VPS13D: variants seen among roughly 807,000 people sequenced by gnomAD.
The protein encoded by VPS13D is vacuolar protein sorting 13 homolog D.
Under a neutral mutation model 461.9 loss-of-function variants are expected in VPS13D, and 187 were observed. That is an observed-to-expected ratio of 0.40 (90% CI 0.36 to 0.46). The LOEUF (loss-of-function observed/expected upper bound fraction) is 0.46. Among genes scored for constraint, VPS13D ranks in the 20% least tolerant of loss-of-function variants. The pLI is 0.60. For synonymous variants in VPS13D, 1,951 were observed against 1,986.3 expected (o/e 0.98, Z 0.47); for missense variants, 4,711 against 5,364.9 (o/e 0.88, Z 3.81).
rs374828029 is a variant in VPS13D, at chr1:12,413,655, A to G, written c.12031-1432A>G. ...CCCAGTTAATTTTTAAACTTTTTGTAGAGACAAGGTCTTACTTCTTCACCC... is the reference window on the plus strand; with the variant it reads ...CCCAGTTAATTTTTAAACTTTTTGTGGAGACAAGGTCTTACTTCTTCACCC... On this transcript the variant is annotated intron_variant, in intron 63 of 69. Transcript: ENST00000620676. Among the ~76,000 whole-genome samples, 40 of 152,230 alleles carry G rather than the reference A, an allele frequency of 2.6e-4. 3 individuals carry two copies. The highest frequency in any genetic ancestry group is 2.1e-3 in the Admixed American group (32 of 15,292).
chr1:12,359,894 G>GC (rs1643925077), intron 50 of VPS13D, among the ~76,000 whole-genome samples: 1 of 152,186 alleles, frequency 6.6e-6, no homozygotes, highest in African/African-American at 2.4e-5. Flanking sequence ...GCTGCTTTAT[G>GC]CTGAGTTTGG....
At chr1:12,248,633 C>G (rs749035732) in intron 5 of VPS13D, among the ~76,000 whole-genome samples, 3 of 152,238 alleles carry the variant, frequency 2.0e-5, no homozygotes, top group Admixed American at 1.3e-4. Flanking sequence ...GCATGAATCA[C>G]TGTGCTCAAC....
chr1:12,471,016 T>C (rs1267218400), intron 67 of VPS13D, among the ~76,000 whole-genome samples: 4 of 152,126 alleles, frequency 2.6e-5, no homozygotes, highest in East Asian at 1.9e-4. Context: ...ATAAGAACAA[T>C]GGGGGCCAGG....
intron 54 of VPS13D, among the ~76,000 whole-genome samples, chr1:12,369,909 A>G (rs1229223904): frequency 1.3e-5 from 2 of 152,228 alleles, no homozygotes; most frequent in Non-Finnish European, 2.9e-5. Context: ...CCAAAGAGTC[A>G]AGACCCTTCT....
At chr1:12,319,777 C>A in intron 32 of VPS13D, 147 bp downstream of exon 32, 1 of 1,167,722 alleles carries the variant, frequency 8.6e-7, no homozygotes, top group Non-Finnish European at 1.2e-6. Flanking sequence ...TTGTTTTCTC[C>A]CCAAATCTAC....
chr1:12,286,969 T>TG (rs1641992760), intron 21 of VPS13D, among the ~76,000 whole-genome samples: 1 of 152,228 alleles, frequency 6.6e-6, no homozygotes, highest in Non-Finnish European at 1.5e-5. Context: ...CAAGCCATTC[T>TG]TGTGCTTCTG....
chr1:12,235,297 G>A (rs935543343), intron 2 of VPS13D, among the ~76,000 whole-genome samples: 2 of 152,104 alleles, frequency 1.3e-5, no homozygotes, highest in African/African-American at 2.4e-5. Flanking sequence ...GTTGCTTTCC[G>A]GCCAGGCGCG....
chr1:12,261,954 A>G lies in VPS13D; in HGVS notation c.1468A>G (p.Thr490Ala). The change falls in exon 13 of 70, where the codon ACA (threonine) becomes GCA (alanine). Residue 490 changes from threonine (T) to alanine (A), a missense_variant. Physicochemically the swap from Thr to Ala is moderately conservative, Grantham distance 58 (BLOSUM62 0). Around this residue, in one of 3 missense-constraint regions of VPS13D, gnomAD observed 4,411 missense variants for 4,937.8 expected, o/e 0.89. Coordinates refer to ENST00000620676, the MANE Select transcript of VPS13D (RefSeq NM_015378.4). ...TADASCMNTY[T>A]KRDHVFAKLN... Reference sequence around the variant, plus strand: ...AGATGCCTCGTGTATGAACACGTATACAAAGCGAGATCATGTCTTTGCCAA... The same window carrying G: ...AGATGCCTCGTGTATGAACACGTATGCAAAGCGAGATCATGTCTTTGCCAA... 6.2e-7 allele frequency: 1 copy of G among 1,614,208 alleles called. No homozygotes were observed. Among genetic ancestry groups the G allele is most frequent in the Non-Finnish European group, 8.5e-7 (1 of 1,180,032 alleles).
Position 12,257,054 on chromosome 1 carries a change from G to T in VPS13D, c.908G>T (p.Arg303Leu). ...CGAAAGGAGAGGCAGGTGAAGTTCCGAAGGTGGAAACCCAAGGTGGCGATA... is the reference window on the plus strand; with the variant it reads ...CGAAAGGAGAGGCAGGTGAAGTTCCTAAGGTGGAAACCCAAGGTGGCGATA... ...LERKERQVKF[R>L]RWKPKVAISK... The change falls in exon 9 of 70, where the codon CGA (arginine) becomes CTA (leucine). Residue 303 changes from arginine to leucine, a missense_variant. By Grantham distance (102) the Arg-to-Leu change is moderately radical. Transcript: ENST00000620676. 1 of 1,614,150 alleles carries T rather than the reference G, an allele frequency of 6.2e-7. No homozygotes were observed. The highest frequency in any genetic ancestry group is 8.5e-7 in the Non-Finnish European group (1 of 1,180,026).
At position 12,354,089 on chromosome 1, in the gene VPS13D, A is replaced by C. The variant is rs752599694; in HGVS notation, c.9547A>C (p.Thr3183Pro). The change falls in exon 47 of 70, where the codon ACT becomes CCT. Residue 3183 changes from threonine to proline, a missense_variant. By Grantham distance (38) the Thr-to-Pro change is conservative (BLOSUM62 -1). Transcript: ENST00000620676. ...QPGHTIYLLP[T>P]VVICNLLPCE... ...TGGGCATACCATATATCTCCTGCCA[A>C]CTGTGGTAATCTGCAACTTGCTACC... 8 of 1,614,068 alleles carry C rather than the reference A, an allele frequency of 5.0e-6. No homozygotes were observed. The South Asian group carries it at 8.8e-5, about 18-fold the overall frequency.
chr1:12,327,714 C>T lies in VPS13D; in HGVS notation c.8057C>T (p.Ala2686Val). 6.2e-7 allele frequency: 1 copy of T among 1,614,122 alleles called. No homozygotes were observed. Among genetic ancestry groups the T allele is most frequent in the African/African-American group, 1.3e-5 (1 of 75,022 alleles). The change falls in exon 36 of 70, where the codon GCC becomes GTC. Residue 2686 changes from alanine to valine, a missense_variant. Physicochemically the swap from Ala to Val is moderately conservative, Grantham distance 64. Coordinates refer to ENST00000620676, the MANE Select transcript of VPS13D (RefSeq NM_015378.4). ...GAACCTCTGAAGTCTCTTTCCTTGG[C>T]CTCCACCAGCCGAGATAGCCCAGGG... Reference protein sequence around the residue: ...NAEPLKSLSLASTSRDSPGAV... With the variant: ...NAEPLKSLSLVSTSRDSPGAV...
chr1:12,367,271 A>G (rs781699086), intron 52 of VPS13D, among the ~76,000 whole-genome samples: 1 of 152,190 alleles, frequency 6.6e-6, no homozygotes, highest in Non-Finnish European at 1.5e-5. Flanking sequence ...TATTTTCGAT[A>G]GCTATACTTT....
chr1:12,484,852 G>T (rs1645776061), intron 67 of VPS13D, among the ~76,000 whole-genome samples: 1 of 151,928 alleles, frequency 6.6e-6, no homozygotes, highest in African/African-American at 2.4e-5. Context: ...TTCTAATATG[G>T]AGCCTCATAA....
chr1:12,336,271 G>A (rs1319987604), intron 39 of VPS13D: 1 of 164,478 alleles, frequency 6.1e-6, no homozygotes, highest in African/African-American at 2.4e-5. Context: ...GCGAGCAGGA[G>A]CCCATGTGGA....
chr1:12,500,449 G>A (rs565351169), intron 68 of VPS13D, among the ~76,000 whole-genome samples: 247 of 151,680 alleles, frequency 1.6e-3, no homozygotes, highest in Admixed American at 3.7e-3. Flanking sequence ...TTTTTTTAAG[G>A]TACCTATTTT....
chr1:12,300,112 T>C (rs1364834352), intron 25 of VPS13D, among the ~76,000 whole-genome samples: 2 of 151,906 alleles, frequency 1.3e-5, no homozygotes, highest in African/African-American at 2.4e-5. Flanking sequence ...TATAGAACCT[T>C]AGGAGGGTAT....
At chr1:12,254,513 C>CTTTTTT (rs1017635589) in intron 7 of VPS13D, among the ~76,000 whole-genome samples, 16 of 78,238 alleles carry the variant, frequency 2.0e-4, no homozygotes, top group Non-Finnish European at 2.9e-4. Context: ...AAATCTCAAT[C>CTTTTTT]TTTTTTTTTT....
chr1:12,396,029 A>ATATATG (rs1553187933), intron 60 of VPS13D, among the ~76,000 whole-genome samples: 1 of 119,874 alleles, frequency 8.3e-6, no homozygotes, highest in Non-Finnish European at 1.6e-5. Flanking sequence ...ATATATATAT[A>ATATATG]GTTCTTTAAG....
chr1:12,414,545 C>T (rs1644771177), intron 63 of VPS13D, among the ~76,000 whole-genome samples: 1 of 152,090 alleles, frequency 6.6e-6, no homozygotes, highest in Admixed American at 6.5e-5. Flanking sequence ...CATTTATATG[C>T]AGTTTAAAGC....
Sources: allele counts gnomAD v4.1 joint callset (sites outside exome capture counted in the v4.1 genomes callset), GRCh38; gene constraint gnomAD v4.1.1; regional missense constraint gnomAD v4.1.1; transcripts MANE v1.5; gene names NCBI Gene and HGNC (gene_info 2026-07-23, HGNC 2026-07-21).